The following PTPRM variants were observed in gnomAD, a reference collection of about 807,000 sequenced individuals.
The protein encoded by PTPRM is receptor-type tyrosine-protein phosphatase mu.
A neutral mutation model predicts 186.7 loss-of-function variants in PTPRM; 47 were observed. The ratio of observed to expected loss-of-function variants is 0.25; its 90% CI spans 0.20 to 0.32. The LOEUF (loss-of-function observed/expected upper bound fraction) is 0.32. Ranked by LOEUF, PTPRM falls within the 10% of genes least tolerant of loss-of-function variation. The pLI is 1.00. For synonymous variants in PTPRM, 668 were observed against 674.9 expected (o/e 0.99, Z 0.16); for missense variants, 1,494 against 1,865.0 (o/e 0.80, Z 3.66).
chr18:8,266,114 C>A (rs556076362), intron 19 of PTPRM, among the ~76,000 whole-genome samples: 1 of 152,132 alleles, frequency 6.6e-6, no homozygotes. Flanking sequence ...TCAGCCTCTT[C>A]CGAATCTCAC....
At chr18:7,886,120 C>T (rs1188602375) in intron 2 of PTPRM, among the ~76,000 whole-genome samples, 1 of 152,188 alleles carries the variant, frequency 6.6e-6, no homozygotes, top group Non-Finnish European at 1.5e-5. Flanking sequence ...TGCCTCAGCT[C>T]CACCAGTAAG....
At chr18:7,845,565 C>T (rs1403337638) in intron 2 of PTPRM, among the ~76,000 whole-genome samples, 2 of 152,194 alleles carry the variant, frequency 1.3e-5, no homozygotes, top group African/African-American at 4.8e-5. Context: ...CCTAAATATC[C>T]TATAGGACAA....
intron 13 of PTPRM, among the ~76,000 whole-genome samples, chr18:8,128,841 T>G (rs562293938): frequency 6.6e-6 from 1 of 152,208 alleles, no homozygotes; most frequent in Non-Finnish European, 1.5e-5. Context: ...AGATTTTCAA[T>G]GTATAAAAAC....
Position 7,987,744 on chromosome 18 carries a change from A to G in PTPRM, c.1132+32330A>G, listed in dbSNP as rs144083774. Reference sequence around the variant, plus strand: ...AAATCACATCTAATTTTAAAAACCTACTAAAGATTAAAACCATTTTTTCAG... The same window carrying G: ...AAATCACATCTAATTTTAAAAACCTGCTAAAGATTAAAACCATTTTTTCAG... On this transcript the variant is annotated intron_variant, in intron 7 of 32. Transcript: ENST00000580170. Among the ~76,000 whole-genome samples, 6 of 152,322 alleles carry G rather than the reference A, an allele frequency of 3.9e-5. No homozygotes were observed. The East Asian group carries it at 1.2e-3, about 29-fold the overall frequency.
intron 7 of PTPRM, among the ~76,000 whole-genome samples, chr18:7,990,255 C>T (rs1187229447): frequency 1.3e-5 from 2 of 152,152 alleles, no homozygotes; most frequent in African/African-American, 2.4e-5. Flanking sequence ...CTAACACTAA[C>T]TGTCATGCAA....
At chr18:8,341,484 G>C (rs1373496314) in intron 22 of PTPRM, among the ~76,000 whole-genome samples, 1 of 152,148 alleles carries the variant, frequency 6.6e-6, no homozygotes, top group Non-Finnish European at 1.5e-5. Flanking sequence ...ATATGCTGGA[G>C]GCAGAATGGG....
intron 24 of PTPRM, among the ~76,000 whole-genome samples, chr18:8,374,490 C>A (rs1425542845): frequency 6.6e-6 from 1 of 152,120 alleles, no homozygotes; most frequent in Admixed American, 6.5e-5. Context: ...GCTGGGGGAG[C>A]TTTCTAGGGG....
chr18:7,844,783 A>G (rs765705339), intron 2 of PTPRM, among the ~76,000 whole-genome samples: 12 of 152,114 alleles, frequency 7.9e-5, no homozygotes, highest in Non-Finnish European at 1.6e-4. Flanking sequence ...TGGTAGTCCA[A>G]AGGTCTATTT....
chr18:7,758,911 G>A (rs1268262532), intron 1 of PTPRM, among the ~76,000 whole-genome samples: 4 of 152,164 alleles, frequency 2.6e-5, no homozygotes, highest in Non-Finnish European at 4.4e-5. Context: ...AGGGTAAAAT[G>A]AACATACTGT....
intron 1 of PTPRM, among the ~76,000 whole-genome samples, chr18:7,759,748 G>A (rs2041681130): frequency 6.6e-6 from 1 of 152,138 alleles, no homozygotes; most frequent in Non-Finnish European, 1.5e-5. Flanking sequence ...CTGGCTATGT[G>A]AAGCCATTTT....
At chr18:8,253,176 G>C (rs770903334) in intron 18 of PTPRM, 51 bp from the exon 19 acceptor site, 1 of 1,316,320 alleles carries the variant, frequency 7.6e-7, no homozygotes, top group Admixed American at 3.5e-5. Context: ...CAGTGATGCC[G>C]ACCTAGCTCC....
At chr18:8,177,142 G>A (rs2093496590) in intron 14 of PTPRM, among the ~76,000 whole-genome samples, 1 of 152,118 alleles carries the variant, frequency 6.6e-6, no homozygotes, top group African/African-American at 2.4e-5. Flanking sequence ...AATGACTTAA[G>A]TATTTTTTAA....
chr18:7,741,303 G>T (rs972439689), intron 1 of PTPRM: 2 of 152,192 alleles, frequency 1.3e-5, no homozygotes, highest in African/African-American at 4.8e-5. Flanking sequence ...ATGCAAGGTG[G>T]TAGGCGGCCA....
intron 19 of PTPRM, among the ~76,000 whole-genome samples, chr18:8,289,726 C>T (rs1273339412): frequency 6.6e-6 from 1 of 151,018 alleles, no homozygotes; most frequent in Admixed American, 6.6e-5. Flanking sequence ...TAACAATTGC[C>T]GAGATCATGA....
chr18:7,842,014 G>C (rs2046350733), intron 2 of PTPRM, among the ~76,000 whole-genome samples: 1 of 152,002 alleles, frequency 6.6e-6, no homozygotes, highest in Non-Finnish European at 1.5e-5. Flanking sequence ...GTATGAAGGA[G>C]TGTGACTGTA....
chr18:7,993,189 G>GA (rs2083353428), intron 7 of PTPRM, among the ~76,000 whole-genome samples: 1 of 151,722 alleles, frequency 6.6e-6, no homozygotes, highest in Admixed American at 6.6e-5. Context: ...ATAAATGAAT[G>GA]AAAAAAATAA....
Position 7,802,113 on chromosome 18 carries a change from G to C in PTPRM, c.196+27842G>C, listed in dbSNP as rs376459104. Among the ~76,000 whole-genome samples the C allele has an allele frequency of 3.9e-5, 6 of 152,100 alleles. 1 individual carries two copies. The East Asian group carries it at 1.2e-3, about 29-fold the overall frequency. Reference sequence around the variant, plus strand: ...TCCTTCTCCCCTCTCCCTTCTCTGAGGTTCTCACCGACCTTTTCCAGTTTG... The same window carrying C: ...TCCTTCTCCCCTCTCCCTTCTCTGACGTTCTCACCGACCTTTTCCAGTTTG... On this transcript the variant is annotated intron_variant, in intron 2 of 32. Coordinates refer to ENST00000580170, the MANE Select transcript of PTPRM (RefSeq NM_001105244.2).
chr18:7,899,865 A>T (rs1431899678), intron 3 of PTPRM, among the ~76,000 whole-genome samples: 1 of 152,108 alleles, frequency 6.6e-6, no homozygotes, highest in African/African-American at 2.4e-5. Context: ...GTATATTGCA[A>T]ATATGTATTT....
At chr18:8,090,153 C>G (rs2090634766) in intron 11 of PTPRM, among the ~76,000 whole-genome samples, 1 of 152,184 alleles carries the variant, frequency 6.6e-6, no homozygotes, top group African/African-American at 2.4e-5. Flanking sequence ...TTGCACTAAT[C>G]CAATGGACCC....
Sources: gnomAD v4.1 joint callset for allele counts (sites outside exome capture counted in the v4.1 genomes callset) on GRCh38, gnomAD v4.1.1 for gene constraint, MANE v1.5 for transcripts, NCBI Gene and HGNC (gene_info 2026-07-23, HGNC 2026-07-21) for gene names.